Variants in PDCD10 observed in about 807,000 individuals in gnomAD.
PDCD10 encodes the protein programmed cell death protein 10.
Under a neutral mutation model 29.2 loss-of-function variants are expected in PDCD10, and 4 were observed. The observed-to-expected ratio is 0.14, with a 90% CI of 0.07 to 0.31. PDCD10 has a LOEUF of 0.31. Among genes scored for constraint, PDCD10 ranks in the 10% least tolerant of loss-of-function variants. PDCD10 has a pLI of 1.00. For synonymous variants in PDCD10, 70 were observed against 82.2 expected, an observed-to-expected ratio of 0.85 and a Z score of 0.80; for missense variants, 183 against 257.9, an observed-to-expected ratio of 0.71 and a Z score of 1.99.
At chr3:167,704,487 CAA>C (rs1721769726) in intron 4 of PDCD10, 1 of 194,732 alleles carries the variant, frequency 5.1e-6, no homozygotes, top group Non-Finnish European at 1.1e-5. Flanking sequence ...CTCAGCCTCT[CAA>C]AGTGTTGGGA....
chr3:167,701,210 T>C (rs1577338322), intron 4 of PDCD10, among the ~76,000 whole-genome samples: 1 of 152,136 alleles, frequency 6.6e-6, no homozygotes, highest in Non-Finnish European at 1.5e-5. Flanking sequence ...GAAGGGATGG[T>C]CTTCTGAAGT....
rs926997291 is a variant in PDCD10, at chr3:167,688,709, C to A, written c.396-1016G>T. ...TAGCTGTTAGTCACAACAAAAACTT[C>A]AAATGCAATGCAACTGTGAAGAAAT... On this transcript the variant is annotated intron_variant, in intron 6 of 8. Coordinates refer to ENST00000392750, the MANE Select transcript of PDCD10 (RefSeq NM_007217.4). Among the ~76,000 whole-genome samples the A allele has an allele frequency of 3.3e-5, 5 of 152,236 alleles. No individual in the cohort carries two copies. The East Asian group carries it at 7.7e-4, about 23-fold the overall frequency.
chr3:167,697,769 A>G (rs546511418), intron 4 of PDCD10: 20 of 289,404 alleles, frequency 6.9e-5, no homozygotes, highest in Non-Finnish European at 1.2e-4. Flanking sequence ...TTGAGTTTGC[A>G]TTGGTTCTAT....
chr3:167,712,922 T>C (rs896469623), intron 3 of PDCD10, among the ~76,000 whole-genome samples: 4 of 152,044 alleles, frequency 2.6e-5, no homozygotes, highest in Non-Finnish European at 4.4e-5. Context: ...TAAATATATA[T>C]GCACCCAGTC....
intron 4 of PDCD10, chr3:167,704,409 G>A (rs929454913): frequency 6.4e-6 from 1 of 155,098 alleles, no homozygotes; most frequent in Non-Finnish European, 1.4e-5. Context: ...TTTATTTTCT[G>A]TAGATACAGG....
rs142749850 is a variant in PDCD10, at chr3:167,699,664, G to A, written c.151-2538C>T. 7.2e-3 allele frequency among the ~76,000 whole-genome samples: 1,097 copies of A among 152,226 alleles called. 12 individuals carry two copies. Among genetic ancestry groups the A allele is most frequent in the African/African-American group, 0.025 (1,024 of 41,532 alleles). On this transcript the variant is annotated intron_variant, in intron 4 of 8. Coordinates refer to ENST00000392750, the MANE Select transcript of PDCD10 (RefSeq NM_007217.4). Reference sequence around the variant, plus strand: ...TCCAGCTGTAAGAAAAAAATAAACCGAAGGGCAGCAACATACACTCTTGTG... The same window carrying A: ...TCCAGCTGTAAGAAAAAAATAAACCAAAGGGCAGCAACATACACTCTTGTG...
intron 2 of PDCD10, among the ~76,000 whole-genome samples, chr3:167,732,124 A>T (rs1435663194): frequency 6.6e-6 from 1 of 152,236 alleles, no homozygotes; most frequent in East Asian, 1.9e-4. Context: ...TCTTCTTCTC[A>T]TGTAAATAAT....
At chr3:167,695,517 C>T in intron 6 of PDCD10, 79 bp downstream of exon 6, 1 of 1,326,276 alleles carries the variant, frequency 7.5e-7, no homozygotes, top group Non-Finnish European at 1.1e-6. Context: ...GTTAGTCATA[C>T]CAAAATTAAA....
In PDCD10 at chr3:167,720,366, T is replaced by C. The variant is rs1174271193; in HGVS notation, c.-116-93A>G. The C allele has an allele frequency of 1.5e-5, 8 of 537,784 alleles. No homozygotes were observed. In the Admixed American group the frequency reaches 1.9e-4, roughly 13 times the overall value. The allele number at this position is 537,784 out of a possible 1,614,324, so 33.3% of individuals were successfully genotyped here. On this transcript the variant is annotated intron_variant, in intron 2 of 8. Coordinates refer to ENST00000392750, the MANE Select transcript of PDCD10 (RefSeq NM_007217.4). ...TCCTTTCCAAATTACAGAGTTCCTA[T>C]TTTATGAAAAGCTATTTTTTAATAT...
chr3:167,730,414 T>A (rs919574653), intron 2 of PDCD10, among the ~76,000 whole-genome samples: 9 of 152,152 alleles, frequency 5.9e-5, no homozygotes, highest in African/African-American at 1.9e-4. Flanking sequence ...TCCAACAACA[T>A]ATAAAAAGCA....
intron 3 of PDCD10, among the ~76,000 whole-genome samples, chr3:167,717,740 G>T (rs755231566): frequency 2.6e-5 from 4 of 151,918 alleles, no homozygotes; most frequent in Non-Finnish European, 4.4e-5. Context: ...ACCCTAATAA[G>T]TACCATCCCT....
chr3:167,720,408 C>A, intron 2 of PDCD10, 135 bp from the exon 3 acceptor site: 1 of 433,936 alleles, frequency 2.3e-6, no homozygotes, highest in Non-Finnish European at 4.2e-6. Context: ...CTTGTGAAAG[C>A]AAACCTAGTT....
intron 3 of PDCD10, among the ~76,000 whole-genome samples, chr3:167,715,664 T>G (rs1722933619): frequency 6.6e-6 from 1 of 152,026 alleles, no homozygotes; most frequent in South Asian, 2.1e-4. Context: ...GAAAAGGTGC[T>G]CAACATCATA....
At chr3:167,687,175 C>G in intron 8 of PDCD10, 59 bp downstream of exon 8, 1 of 875,522 alleles carries the variant, frequency 1.1e-6, no homozygotes, top group Non-Finnish European at 1.9e-6. Context: ...GTTTTCATAT[C>G]ATATAAAACC....
At chr3:167,731,718 A>G (rs1299743839) in intron 2 of PDCD10, among the ~76,000 whole-genome samples, 1 of 152,226 alleles carries the variant, frequency 6.6e-6, no homozygotes, top group Non-Finnish European at 1.5e-5. Flanking sequence ...TCCAGTGAGG[A>G]GACAGTATTT....
chr3:167,721,274 A>C (rs1723534059), intron 2 of PDCD10, among the ~76,000 whole-genome samples: 1 of 152,178 alleles, frequency 6.6e-6, no homozygotes, highest in Admixed American at 6.5e-5. Context: ...ACAAGTGTAA[A>C]GCAGGCTCAG....
chr3:167,716,631 G>T (rs751988199), intron 3 of PDCD10, among the ~76,000 whole-genome samples: 1 of 151,744 alleles, frequency 6.6e-6, no homozygotes, highest in Non-Finnish European at 1.5e-5. Flanking sequence ...ACGTTGGAGA[G>T]GTATTCCAGG....
intron 3 of PDCD10, among the ~76,000 whole-genome samples, chr3:167,709,059 G>A (rs898855530): frequency 2.6e-5 from 4 of 152,140 alleles, no homozygotes; most frequent in Non-Finnish European, 4.4e-5. Flanking sequence ...CTTCCTGATG[G>A]TAGGATTGCA....
At chr3:167,725,405 T>A (rs906692046) in intron 2 of PDCD10, 1 of 152,050 alleles carries the variant, frequency 6.6e-6, no homozygotes, top group African/African-American at 2.4e-5. Context: ...ACGTACCTTT[T>A]TAGGGCTTTC....
Sources: gnomAD v4.1 joint callset for allele counts (sites outside exome capture counted in the v4.1 genomes callset) on GRCh38, gnomAD v4.1.1 for gene constraint, MANE v1.5 for transcripts, NCBI Gene and HGNC (gene_info 2026-07-23, HGNC 2026-07-21) for gene names.